Variants in AKIRIN2 observed in about 807,000 individuals in gnomAD.
AKIRIN2 encodes akirin-2.
AKIRIN2 carries 6 observed loss-of-function variants against 29.3 expected under a neutral mutation model. The observed-to-expected ratio is 0.20, with a 90% CI of 0.11 to 0.40. The LOEUF (loss-of-function observed/expected upper bound fraction) is 0.40. Ranked by LOEUF, AKIRIN2 falls within the 10% of genes least tolerant of loss-of-function variation. The pLI is 1.00. For missense variants in AKIRIN2, 210 were observed against 276.1 expected, an observed-to-expected ratio of 0.76 and a Z score of 1.70; for synonymous variants, 128 against 117.5, an observed-to-expected ratio of 1.09 and a Z score of -0.58.
intron 1 of AKIRIN2, among the ~76,000 whole-genome samples, chr6:87,697,154 C>CAA (rs767228711): frequency 6.7e-6 from 1 of 149,478 alleles, no homozygotes; most frequent in Non-Finnish European, 1.5e-5. Context: ...ACTAAAAATA[C>CAA]AAAACAAAAT....
intron 2 of AKIRIN2, among the ~76,000 whole-genome samples, chr6:87,680,458 A>T (rs77883783): frequency 2.0e-5 from 3 of 148,210 alleles, no homozygotes. Flanking sequence ...ATTTTAGTAG[A>T]GACGGGGTTT....
rs1246866598 is a variant in AKIRIN2, at chr6:87,675,452, C to G, written c.*145G>C. ...GGGAAATTTCCAAAACCAGTTGCTG[C>G]TGCCTAAGAGTGGTTGCCACTGACG... On this transcript the variant is annotated 3_prime_UTR_variant, in exon 5 of 5. Transcript: ENST00000257787. 8 of 1,128,304 alleles carry G rather than the reference C, an allele frequency of 7.1e-6. No individual in the cohort carries two copies. Among genetic ancestry groups the G allele is most frequent in the Non-Finnish European group, 1.0e-5 (8 of 771,518 alleles). 69.9% of individuals were successfully genotyped at this position (1,128,304 alleles called of 1,614,324 possible).
intron 2 of AKIRIN2, among the ~76,000 whole-genome samples, chr6:87,678,742 T>G (rs1771067645): frequency 6.6e-6 from 1 of 152,160 alleles, no homozygotes; most frequent in Non-Finnish European, 1.5e-5. Flanking sequence ...ACACTTAGTC[T>G]TCAAAGCCAT....
At chr6:87,689,862 A>G (rs1170553318) in intron 1 of AKIRIN2, among the ~76,000 whole-genome samples, 2 of 152,176 alleles carry the variant, frequency 1.3e-5, no homozygotes, top group Non-Finnish European at 2.9e-5. Context: ...TTTACTTTAA[A>G]TCATTTACAC....
intron 1 of AKIRIN2, among the ~76,000 whole-genome samples, chr6:87,693,681 C>A (rs1378864889): frequency 6.7e-6 from 1 of 148,874 alleles, no homozygotes; most frequent in Admixed American, 6.7e-5. Context: ...GCTGAGATTG[C>A]GCCACTGCAC....
rs1408862744 is a variant in AKIRIN2 at position 87,702,002 on chromosome 6, G to T, written c.-318C>A. ...CCCGAGAGAGGCTCCGGCCGCCCCC[G>T]CCGTCCGCTCGAGCTTTGCGCCGCG... On this transcript the variant is annotated 5_prime_UTR_variant, in exon 1 of 5. Transcript: ENST00000257787. The T allele has an allele frequency of 5.0e-6, 2 of 402,402 alleles. No homozygotes were observed. The highest frequency in any genetic ancestry group is 8.8e-6 in the Non-Finnish European group (2 of 228,172). 24.9% of individuals were successfully genotyped at this position (402,402 alleles called of 1,614,324 possible). A position where few individuals can be genotyped will look rare whatever the true frequency, so the allele number is the denominator to read the frequency against.
chr6:87,687,235 CT>C (rs1461982721), intron 1 of AKIRIN2, among the ~76,000 whole-genome samples: 13 of 147,498 alleles, frequency 8.8e-5, no homozygotes. Context: ...GTCATGACTA[CT>C]TTCTAAATTA....
Position 87,701,825 on chromosome 6 carries a change from C to T in AKIRIN2, c.-141G>A, listed in dbSNP as rs1008295677. ...AGGAGCCAAGCGGGTCGCGGAGCGC[C>T]GGCTGTGGAAAGGAGAGCCGCTGCC... On this transcript the variant is annotated 5_prime_UTR_variant, in exon 1 of 5. Coordinates refer to ENST00000257787, the MANE Select transcript of AKIRIN2 (RefSeq NM_018064.4). 1 of 560,338 alleles carries T rather than the reference C, an allele frequency of 1.8e-6. No homozygotes were observed. The highest frequency in any genetic ancestry group is 2.8e-6 in the Non-Finnish European group (1 of 356,336). The allele number at this position is 560,338 out of a possible 1,614,324, so 34.7% of individuals were successfully genotyped here.
intron 2 of AKIRIN2, among the ~76,000 whole-genome samples, chr6:87,679,898 T>C (rs559334966): frequency 6.6e-6 from 1 of 152,354 alleles, no homozygotes; most frequent in East Asian, 1.9e-4. Flanking sequence ...CTCTGTGAAT[T>C]TGCCCTGGTA....
In AKIRIN2 at chr6:87,675,469, C is replaced by A; in HGVS notation, c.*128G>T. On this transcript the variant is annotated 3_prime_UTR_variant, in exon 5 of 5. Transcript: ENST00000257787. ...AGTTGCTGCTGCCTAAGAGTGGTTGCCACTGACGAAAGCTTGAAATAACCT... is the reference window on the plus strand; with the variant it reads ...AGTTGCTGCTGCCTAAGAGTGGTTGACACTGACGAAAGCTTGAAATAACCT... 1 of 1,327,954 alleles carries A rather than the reference C, an allele frequency of 7.5e-7. No homozygotes were observed. Among genetic ancestry groups the A allele is most frequent in the Non-Finnish European group, 1.1e-6 (1 of 936,024 alleles). The allele number at this position is 1,327,954 out of a possible 1,614,324, so 82.3% of individuals were successfully genotyped here. A position where few individuals can be genotyped will look rare whatever the true frequency, so the allele number is the denominator to read the frequency against.
At chr6:87,683,439 C>T (rs1771145803) in intron 1 of AKIRIN2, among the ~76,000 whole-genome samples, 2 of 152,130 alleles carry the variant, frequency 1.3e-5, no homozygotes, top group Admixed American at 6.5e-5. Context: ...TTACTCCAAT[C>T]GAGTGACAGT....
chr6:87,683,450 C>T (rs1009072352), intron 1 of AKIRIN2, among the ~76,000 whole-genome samples: 6 of 152,068 alleles, frequency 3.9e-5, no homozygotes, highest in Admixed American at 2.6e-4. Context: ...GAGTGACAGT[C>T]GTTAAATTAT....
rs1359290038 is a variant in AKIRIN2 at position 87,691,510 on chromosome 6, C to T, written c.236-9747G>A. Among the ~76,000 whole-genome samples the T allele has an allele frequency of 2.7e-5, 4 of 148,478 alleles. No individual in the cohort carries two copies. In the Admixed American group the frequency reaches 2.7e-4, roughly 10 times the overall value. ...GCAACTAAAGAGGAACTGTCTGAACCAACTGAAGATACAAATTAAAGAGAC... is the reference window on the plus strand; with the variant it reads ...GCAACTAAAGAGGAACTGTCTGAACTAACTGAAGATACAAATTAAAGAGAC... On this transcript the variant is annotated intron_variant, in intron 1 of 4. Transcript: ENST00000257787.
chr6:87,687,438 T>A (rs1461887115), intron 1 of AKIRIN2, among the ~76,000 whole-genome samples: 6 of 32,600 alleles, frequency 1.8e-4, no homozygotes, highest in African/African-American at 9.9e-4. Flanking sequence ...AAATTCCGTT[T>A]CAAAAAAAAA....
chr6:87,700,471 C>T (rs1201932470), intron 1 of AKIRIN2: 1 of 152,212 alleles, frequency 6.6e-6, no homozygotes, highest in African/African-American at 2.4e-5. Flanking sequence ...TTCTAGTCCA[C>T]AAAAGCCTAT....
intron 1 of AKIRIN2, among the ~76,000 whole-genome samples, chr6:87,692,520 A>C (rs1394110535): frequency 6.6e-6 from 1 of 152,232 alleles, no homozygotes; most frequent in African/African-American, 2.4e-5. Context: ...TGTTAAAATA[A>C]ATCACAATGG....
intron 1 of AKIRIN2, among the ~76,000 whole-genome samples, chr6:87,691,666 G>C (rs1030358548): frequency 7.2e-5 from 11 of 152,124 alleles, no homozygotes; most frequent in African/African-American, 2.7e-4. Flanking sequence ...GAGAAGAACA[G>C]CTAGGGAGTA....
At chr6:87,682,803 A>G (rs762806580) in intron 1 of AKIRIN2, among the ~76,000 whole-genome samples, 7 of 152,194 alleles carry the variant, frequency 4.6e-5, no homozygotes, top group Non-Finnish European at 7.3e-5. Flanking sequence ...GAACTGTTAG[A>G]TATTGGTCAA....
chr6:87,690,964 C>T (rs1173143708), intron 1 of AKIRIN2, among the ~76,000 whole-genome samples: 9 of 152,050 alleles, frequency 5.9e-5, no homozygotes, highest in African/African-American at 1.2e-4. Context: ...CAGAGTGAGA[C>T]GGTTTCAACA....
Sources: gnomAD v4.1 joint callset for allele counts (sites outside exome capture counted in the v4.1 genomes callset) on GRCh38, gnomAD v4.1.1 for gene constraint, MANE v1.5 for transcripts, NCBI Gene and HGNC (gene_info 2026-07-23, HGNC 2026-07-21) for gene names.